The following MACROD2 variants were observed in gnomAD, a reference collection of about 807,000 sequenced individuals.
The protein encoded by MACROD2 is ADP-ribose glycohydrolase MACROD2.
A neutral mutation model predicts 70.4 loss-of-function variants in MACROD2; 36 were observed. The ratio of observed to expected loss-of-function variants is 0.51; its 90% CI spans 0.39 to 0.68. The LOEUF (loss-of-function observed/expected upper bound fraction) is 0.68. Ranked by LOEUF, MACROD2 falls within the 30% of genes least tolerant of loss-of-function variation. The probability of loss-of-function intolerance (pLI) is 0.00; values close to 1 mark genes in which losing one functional copy is unlikely to be tolerated. For missense variants in MACROD2, 496 were observed against 538.4 expected (o/e 0.92, Z 0.78); for synonymous variants, 172 against 178.8 (o/e 0.96, Z 0.30).
chr20:15,079,796 G>A (rs747657628), intron 5 of MACROD2, among the ~76,000 whole-genome samples: 55 of 151,994 alleles, frequency 3.6e-4, no homozygotes, highest in Admixed American at 1.3e-3. Flanking sequence ...TCTCAAGTGG[G>A]TCCTCAGCCT....
rs1229655264 is a variant in MACROD2, at chr20:15,930,128, C to T, written c.776-3148C>T. On this transcript the variant is annotated intron_variant, in intron 10 of 17. Coordinates refer to ENST00000684519, the MANE Select transcript of MACROD2 (RefSeq NM_001351661.2). ...AGCCTCGCACTTCCCTATATTTCTT[C>T]ACCGTTATTGTAAGGCTTTTAAAAT... Among the ~76,000 whole-genome samples, 4 of 152,152 alleles carry T rather than the reference C, an allele frequency of 2.6e-5. No individual in the cohort carries two copies. The East Asian group carries it at 7.7e-4, about 29-fold the overall frequency.
intron 8 of MACROD2, among the ~76,000 whole-genome samples, chr20:15,681,064 C>T (rs996832673): frequency 1.8e-4 from 28 of 152,274 alleles, no homozygotes; most frequent in African/African-American, 4.1e-4. Context: ...TGTTTGAAGA[C>T]GCTCTCAAGT....
rs370450487 is a variant in MACROD2 at position 15,844,864 on chromosome 20, AT to A, written c.646-17872del. Reference sequence around the variant, plus strand: ...AGACCAGGATGCATGCCAGCTGCATATTTTTTTTTATCAGAAATATCATGAT... The same window carrying A: ...AGACCAGGATGCATGCCAGCTGCATATTTTTTTTATCAGAAATATCATGAT... On this transcript the variant is annotated intron_variant, in intron 8 of 17. Coordinates refer to ENST00000684519, the MANE Select transcript of MACROD2 (RefSeq NM_001351661.2). Among the ~76,000 whole-genome samples, 614 of 151,586 alleles carry A rather than the reference AT, an allele frequency of 4.1e-3. 2 individuals are homozygous for A. Among genetic ancestry groups the A allele is most frequent in the African/African-American group, 0.013 (538 of 41,380 alleles).
intron 6 of MACROD2, among the ~76,000 whole-genome samples, chr20:15,335,217 C>T (rs987151293): frequency 1.3e-5 from 2 of 151,784 alleles, no homozygotes; most frequent in South Asian, 2.1e-4. Flanking sequence ...TAGTGACTTG[C>T]TCTTTATAAT....
chr20:14,303,500 C>T (rs1442418781), intron 3 of MACROD2, among the ~76,000 whole-genome samples: 1 of 152,182 alleles, frequency 6.6e-6, no homozygotes, highest in Non-Finnish European at 1.5e-5. Flanking sequence ...CACAGCTCAT[C>T]TCTGCTTTAT....
intron 8 of MACROD2, among the ~76,000 whole-genome samples, chr20:15,508,276 A>G (rs1333009870): frequency 6.7e-6 from 1 of 148,876 alleles, no homozygotes; most frequent in Admixed American, 6.7e-5. Context: ...TGCAGAGAGA[A>G]CCTAGAAAAA....
At chr20:14,458,726 A>G (rs571787423) in intron 3 of MACROD2, among the ~76,000 whole-genome samples, 2 of 152,202 alleles carry the variant, frequency 1.3e-5, no homozygotes, top group South Asian at 4.1e-4. Context: ...AAAGAAGGGA[A>G]AAAAAAGGCA....
intron 4 of MACROD2, among the ~76,000 whole-genome samples, chr20:14,681,569 A>G (rs1184983444): frequency 2.6e-5 from 4 of 152,164 alleles, no homozygotes; most frequent in Non-Finnish European, 5.9e-5. Context: ...TCAGAACAGG[A>G]ACTCCCTCTG....
chr20:14,846,525 A>ATTT (rs11429861), intron 5 of MACROD2, among the ~76,000 whole-genome samples: 2 of 149,056 alleles, frequency 1.3e-5, no homozygotes, highest in East Asian at 4.0e-4. Flanking sequence ...TCACCTTTTA[A>ATTT]TTTTTTTTTT....
At chr20:14,843,460 T>C (rs1000512972) in intron 5 of MACROD2, among the ~76,000 whole-genome samples, 9 of 152,040 alleles carry the variant, frequency 5.9e-5, no homozygotes, top group African/African-American at 2.2e-4. Flanking sequence ...GTGGCAGTTA[T>C]AGATTATTAA....
At chr20:15,928,185 C>A (rs2065519959) in intron 10 of MACROD2, among the ~76,000 whole-genome samples, 1 of 152,138 alleles carries the variant, frequency 6.6e-6, no homozygotes, top group African/African-American at 2.4e-5. Flanking sequence ...GGCTGATGGG[C>A]ATGATTAGGA....
At chr20:15,176,677 A>G (rs1235506322) in intron 5 of MACROD2, among the ~76,000 whole-genome samples, 1 of 152,062 alleles carries the variant, frequency 6.6e-6, no homozygotes, top group Non-Finnish European at 1.5e-5. Flanking sequence ...TTGTCCATCT[A>G]TCTCATTCTT....
chr20:15,122,395 G>A (rs2076037152), intron 5 of MACROD2, among the ~76,000 whole-genome samples: 1 of 152,180 alleles, frequency 6.6e-6, no homozygotes, highest in Admixed American at 6.5e-5. Flanking sequence ...TACAAGGAAA[G>A]TTATTCAGGA....
chr20:14,154,136 G>C (rs1201317477), intron 3 of MACROD2, among the ~76,000 whole-genome samples: 1 of 152,078 alleles, frequency 6.6e-6, no homozygotes, highest in East Asian at 1.9e-4. Context: ...AAGATAAATG[G>C]CTTTTTTTCA....
intron 15 of MACROD2, among the ~76,000 whole-genome samples, chr20:16,003,551 G>T (rs2066744818): frequency 6.6e-6 from 1 of 152,190 alleles, no homozygotes; most frequent in African/African-American, 2.4e-5. Flanking sequence ...CAAAGTGAGG[G>T]CAGAGGCTTT....
At chr20:14,351,836 CCTCA>C (rs764559176) in intron 3 of MACROD2, among the ~76,000 whole-genome samples, 4 of 152,238 alleles carry the variant, frequency 2.6e-5, no homozygotes, top group East Asian at 1.9e-4. Flanking sequence ...GAAAGGCTTT[CCTCA>C]CTCAGTATGA....
At chr20:14,245,362 CAAA>C (rs11477339) in intron 3 of MACROD2, among the ~76,000 whole-genome samples, 17 of 129,896 alleles carry the variant, frequency 1.3e-4, no homozygotes, top group African/African-American at 1.4e-4. Context: ...GACTTCGTCT[CAAA>C]AAAAAAAAAA....
chr20:14,422,934 TC>T (rs1053194213), intron 3 of MACROD2, among the ~76,000 whole-genome samples: 3 of 152,350 alleles, frequency 2.0e-5, no homozygotes, highest in Non-Finnish European at 4.4e-5. Context: ...GGTTAGCATT[TC>T]TTTTAGGGCT....
At chr20:14,882,607 A>G (rs2073622783) in intron 5 of MACROD2, among the ~76,000 whole-genome samples, 1 of 152,164 alleles carries the variant, frequency 6.6e-6, no homozygotes, top group South Asian at 2.1e-4. Context: ...ATAAAATGCT[A>G]TTTGGTTGAA....
Sources: gnomAD v4.1 joint callset for allele counts (sites outside exome capture counted in the v4.1 genomes callset) on GRCh38, gnomAD v4.1.1 for gene constraint, MANE v1.5 for transcripts, NCBI Gene and HGNC (gene_info 2026-07-23, HGNC 2026-07-21) for gene names.